The following NEUROD4 variants were observed in gnomAD, a reference collection of about 807,000 sequenced individuals.
The protein encoded by NEUROD4 is neuronal differentiation 4.
A neutral mutation model predicts 19.8 loss-of-function variants in NEUROD4; 16 were observed. The observed-to-expected ratio is 0.81, with a 90% CI of 0.55 to 1.23. NEUROD4 has a LOEUF of 1.23. Ranked by LOEUF, NEUROD4 falls within the 50% of genes most tolerant of loss-of-function variation. The pLI, the probability that NEUROD4 is intolerant of heterozygous loss-of-function variation, is 0.00. For missense variants in NEUROD4, 439 were observed against 398.6 expected (o/e 1.10, Z -0.86); for synonymous variants, 153 against 147.9 (o/e 1.03, Z -0.25).
chr12:55,024,106 A>G (rs946906837), intron 1 of NEUROD4, among the ~76,000 whole-genome samples: 3 of 152,230 alleles, frequency 2.0e-5, no homozygotes, highest in Non-Finnish European at 1.5e-5. Flanking sequence ...AGTGATCATA[A>G]TGATAATGAA....
chr12:55,026,322 G>T, intron 1 of NEUROD4, 109 bp from the exon 2 acceptor site: 2 of 876,458 alleles, frequency 2.3e-6, no homozygotes, highest in Non-Finnish European at 3.4e-6. Flanking sequence ...GTTTTGGACT[G>T]GTCATTTAGA....
In NEUROD4 at chr12:55,026,569, C is replaced by A. The variant is rs772325000; in HGVS notation, c.130C>A (p.Leu44Ile). 3 of 1,613,914 alleles carry A rather than the reference C, an allele frequency of 1.9e-6. No individual in the cohort carries two copies. Among genetic ancestry groups the A allele is most frequent in the Non-Finnish European group, 2.5e-6 (3 of 1,179,952 alleles). The change falls in exon 2 of 2, where the codon CTC becomes ATC. Residue 44 changes from leucine (L) to isoleucine (I), a missense_variant. By Grantham distance (5) the Leu-to-Ile change is conservative. Coordinates refer to ENST00000242994, the MANE Select transcript of NEUROD4 (RefSeq NM_021191.3). ...EESRPGTYGM[L>I]SSLTEEHDSI... The stretch of plus-strand genomic sequence containing the variant: ...GAGCAGACCAGGTACTTATGGGATG[C>A]TCAGCAGCTTAACTGAAGAGCATGA...
intron 1 of NEUROD4, among the ~76,000 whole-genome samples, chr12:55,021,176 A>G (rs1400946539): frequency 1.3e-5 from 2 of 152,200 alleles, no homozygotes; most frequent in Admixed American, 1.3e-4. Flanking sequence ...ATGTGCATGC[A>G]TGTACATACA....
rs1291930637 is a variant in NEUROD4, at chr12:55,028,040, T to C, written c.*605T>C. On this transcript the variant is annotated 3_prime_UTR_variant, in exon 2 of 2. Coordinates refer to ENST00000242994, the MANE Select transcript of NEUROD4 (RefSeq NM_021191.3). ...TTTAATGATAGGACCTCTTTGTATC[T>C]ATTGAAAAATAGCTTCTGGAAGCTA... 2.4e-5 allele frequency: 4 copies of C among 167,240 alleles called. No homozygotes were observed. Among genetic ancestry groups the C allele is most frequent in the Non-Finnish European group, 5.9e-5 (4 of 68,130 alleles). 10.4% of individuals were successfully genotyped at this position (167,240 alleles called of 1,614,324 possible).
chr12:55,021,108 G>T (rs916994159), intron 1 of NEUROD4, among the ~76,000 whole-genome samples: 1 of 152,198 alleles, frequency 6.6e-6, no homozygotes, highest in African/African-American at 2.4e-5. Context: ...TAACTATTAA[G>T]ATCTGAGGCA....
rs958457532 is a variant in NEUROD4 at position 55,028,361 on chromosome 12, A to T, written c.*926A>T. 1.2e-5 allele frequency: 2 copies of T among 167,086 alleles called. No individual in the cohort carries two copies. The highest frequency in any genetic ancestry group is 1.3e-4 in the Admixed American group (2 of 15,288). 10.4% of individuals were successfully genotyped at this position (167,086 alleles called of 1,614,324 possible). ...TAACCAGAGGGCTCTGGAACTTCTG[A>T]TGAAGCTCAGGTGCTGCTGTTAGAA... On this transcript the variant is annotated 3_prime_UTR_variant, in exon 2 of 2. Coordinates refer to ENST00000242994, the MANE Select transcript of NEUROD4 (RefSeq NM_021191.3).
intron 1 of NEUROD4, among the ~76,000 whole-genome samples, chr12:55,025,715 C>A (rs1952721036): frequency 6.6e-6 from 1 of 152,124 alleles, no homozygotes; most frequent in African/African-American, 2.4e-5. Context: ...ACGTGTTGGA[C>A]CAGCCAGTGA....
intron 1 of NEUROD4, among the ~76,000 whole-genome samples, chr12:55,025,105 C>G (rs1411740287): frequency 6.6e-6 from 1 of 152,150 alleles, no homozygotes; most frequent in Non-Finnish European, 1.5e-5. Flanking sequence ...CCCAATGGAG[C>G]TTATCAGATA....
Position 55,026,582 on chromosome 12 carries a change from C to T in NEUROD4, c.143C>T (p.Thr48Ile). Residue 48 changes from threonine to isoleucine, a missense_variant, in exon 2 of 2, where the codon ACT becomes ATT. Transcript: ENST00000242994. Reference sequence around the variant, plus strand: ...ACTTATGGGATGCTCAGCAGCTTAACTGAAGAGCATGACAGTATTGAGGAA... The same window carrying T: ...ACTTATGGGATGCTCAGCAGCTTAATTGAAGAGCATGACAGTATTGAGGAA... ...PGTYGMLSSL[T>I]EEHDSIEEEE... The T allele has an allele frequency of 6.2e-7, 1 of 1,613,906 alleles. No individual in the cohort carries two copies. The highest frequency in any genetic ancestry group is 8.5e-7 in the Non-Finnish European group (1 of 1,179,962).
At chr12:55,022,976 AC>A (rs1952684784) in intron 1 of NEUROD4, among the ~76,000 whole-genome samples, 2 of 152,100 alleles carry the variant, frequency 1.3e-5, no homozygotes, top group Non-Finnish European at 2.9e-5. Flanking sequence ...AATACCTAAA[AC>A]TTAACATGAA....
intron 1 of NEUROD4, among the ~76,000 whole-genome samples, chr12:55,025,453 G>A (rs866849902): frequency 6.6e-5 from 10 of 152,168 alleles, no homozygotes; most frequent in African/African-American, 2.2e-4. Flanking sequence ...GGGTTTGGTA[G>A]ACCACTGGCT....
chr12:55,024,934 A>G (rs1175384918), intron 1 of NEUROD4, among the ~76,000 whole-genome samples: 3 of 152,246 alleles, frequency 2.0e-5, no homozygotes, highest in Non-Finnish European at 4.4e-5. Flanking sequence ...AAATCAAATA[A>G]TATATCTTTA....
In NEUROD4 at chr12:55,026,972, C is replaced by T. The variant is rs1952740893; in HGVS notation, c.533C>T (p.Pro178Leu). ...GTGGCTGGATGTCTCCAACTGGGCC[C>T]TCAGTCTGTCCTCCTGGAGAAGCAC... is the stretch of plus-strand genomic sequence containing the variant. ...NLVAGCLQLG[P>L]QSVLLEKHED... The change falls in exon 2 of 2, where the codon CCT becomes CTT. Residue 178 changes from proline (P) to leucine (L), a missense_variant. By Grantham distance (98) the Pro-to-Leu change is moderately conservative. Coordinates refer to ENST00000242994, the MANE Select transcript of NEUROD4 (RefSeq NM_021191.3). 2 of 1,614,192 alleles carry T rather than the reference C, an allele frequency of 1.2e-6. No homozygotes were observed. The highest frequency in any genetic ancestry group is 8.5e-7 in the Non-Finnish European group (1 of 1,180,034).
At chr12:55,023,777 C>T (rs549095128) in intron 1 of NEUROD4, among the ~76,000 whole-genome samples, 1 of 152,278 alleles carries the variant, frequency 6.6e-6, no homozygotes, top group African/African-American at 2.4e-5. Context: ...ATTACTTTGG[C>T]CAAAGCCAGT....
At chr12:55,025,555 G>A (rs1592453793) in intron 1 of NEUROD4, among the ~76,000 whole-genome samples, 1 of 152,226 alleles carries the variant, frequency 6.6e-6, no homozygotes, top group Non-Finnish European at 1.5e-5. Flanking sequence ...TTTGAAAGAT[G>A]AGCAGTGATA....
In NEUROD4 at chr12:55,027,757, C is replaced by A. The variant is rs1488901386; in HGVS notation, c.*322C>A. On this transcript the variant is annotated 3_prime_UTR_variant, in exon 2 of 2. Transcript: ENST00000242994. The stretch of plus-strand genomic sequence containing the variant: ...TGCCAATTAATTTTCCATTTCTGGC[C>A]TTTGTTTATTTACTAGCAATTGTAA... The A allele has an allele frequency of 1.5e-5, 4 of 259,646 alleles. No homozygotes were observed. The highest frequency in any genetic ancestry group is 3.1e-5 in the Non-Finnish European group (4 of 129,012). 16.1% of individuals were successfully genotyped at this position (259,646 alleles called of 1,614,324 possible).
chr12:55,020,410 G>C (rs1952667270), intron 1 of NEUROD4, 97 bp downstream of exon 1: 1 of 152,214 alleles, frequency 6.6e-6, no homozygotes, highest in African/African-American at 2.4e-5. Flanking sequence ...TCTCTTCTGG[G>C]TAAGGCAGGA....
rs1362840075 is a variant in NEUROD4, at chr12:55,029,064, T to C, written c.*1629T>C. 6.0e-6 allele frequency: 1 copy of C among 167,062 alleles called. No individual in the cohort carries two copies. Among genetic ancestry groups the C allele is most frequent in the Non-Finnish European group, 1.5e-5 (1 of 68,110 alleles). 10.3% of individuals were successfully genotyped at this position (167,062 alleles called of 1,614,324 possible). On this transcript the variant is annotated 3_prime_UTR_variant, in exon 2 of 2. Coordinates refer to ENST00000242994, the MANE Select transcript of NEUROD4 (RefSeq NM_021191.3). The stretch of plus-strand genomic sequence containing the variant: ...ACATCAATAGGGCCAATTTAAAAAA[T>C]GATAACACATATTAGTATGTCATTT...
rs1346721449 is a variant in NEUROD4 at position 55,026,724 on chromosome 12, A to G, written c.285A>G (p.Arg95=). The change falls in exon 2 of 2, where the codon AGA becomes AGG. Residue 95 remains arginine, a synonymous_variant. Coordinates refer to ENST00000242994, the MANE Select transcript of NEUROD4 (RefSeq NM_021191.3). ...CTCGAAGAGTCAAGGCTAATGCCAGAGAACGGACCCGGATGCATGGCCTGA... is the reference window on the plus strand; with the variant it reads ...CTCGAAGAGTCAAGGCTAATGCCAGGGAACGGACCCGGATGCATGGCCTGA... ...FRARRVKANA[R]ERTRMHGLND... is the part of the protein sequence containing the mutation. The G allele has an allele frequency of 3.7e-6, 6 of 1,614,082 alleles. No homozygotes were observed. The Admixed American group carries it at 1.0e-4, about 27-fold the overall frequency.
Sources: allele counts gnomAD v4.1 joint callset (sites outside exome capture counted in the v4.1 genomes callset), GRCh38; gene constraint gnomAD v4.1.1; transcripts MANE v1.5; gene names NCBI Gene and HGNC (gene_info 2026-07-23, HGNC 2026-07-21).